Variants in CWF19L2 observed in about 807,000 individuals in gnomAD.
CWF19L2 encodes CWF19-like protein 2.
Under a neutral mutation model 111.7 loss-of-function variants are expected in CWF19L2, and 98 were observed. That is an observed-to-expected ratio of 0.88 (90% CI 0.75 to 1.04). CWF19L2 has a LOEUF of 1.04. Ranked by LOEUF, CWF19L2 falls within the 50% of genes least tolerant of loss-of-function variation. The pLI, the probability that CWF19L2 is intolerant of heterozygous loss-of-function variation, is 0.00. For missense variants in CWF19L2, 1,101 were observed against 1,051.4 expected (o/e 1.05, Z -0.65); for synonymous variants, 351 against 342.9 (o/e 1.02, Z -0.26).
chr11:107,328,661 T>C (rs1390067242), intron 17 of CWF19L2, among the ~76,000 whole-genome samples: 1 of 152,212 alleles, frequency 6.6e-6, no homozygotes, highest in Admixed American at 6.5e-5. Flanking sequence ...ATCTCCCAGT[T>C]TAATATATAC....
chr11:107,373,675 C>A (rs575198234), intron 12 of CWF19L2, among the ~76,000 whole-genome samples: 1,473 of 131,354 alleles, frequency 0.011, 168 homozygotes, highest in Non-Finnish European at 0.016. Flanking sequence ...GGGGAAAAAA[C>A]AGAACAGAAA....
At chr11:107,441,674 C>G in intron 4 of CWF19L2, 52 bp from the exon 5 acceptor site, 1 of 1,445,696 alleles carries the variant, frequency 6.9e-7, no homozygotes, top group Middle Eastern at 2.2e-4. Flanking sequence ...TCATTTCAAT[C>G]TGAACTGATT....
Position 107,364,531 on chromosome 11 carries a change from G to T in CWF19L2, c.1873-10795C>A, listed in dbSNP as rs974088490. ...AGGATTAAGAATCTCACTCAAAACC[G>T]CTCAACTACATGGAAACTGAACAAC... is the stretch of plus-strand genomic sequence containing the variant. On this transcript the variant is annotated intron_variant, in intron 12 of 17. Coordinates refer to ENST00000282251, the MANE Select transcript of CWF19L2 (RefSeq NM_152434.3). Among the ~76,000 whole-genome samples, 13 of 143,554 alleles carry T rather than the reference G, an allele frequency of 9.1e-5. 1 individual carries two copies. Among genetic ancestry groups the T allele is most frequent in the Non-Finnish European group, 1.7e-4 (11 of 66,108 alleles). 94.2% of individuals were successfully genotyped at this position (143,554 alleles called of 152,430 possible).
intron 15 of CWF19L2, among the ~76,000 whole-genome samples, chr11:107,336,113 C>A (rs1386969631): frequency 6.6e-6 from 1 of 151,980 alleles, no homozygotes; most frequent in Non-Finnish European, 1.5e-5. Context: ...CCCAACTACT[C>A]AGGAGGCTGA....
intron 3 of CWF19L2, among the ~76,000 whole-genome samples, chr11:107,447,721 G>C (rs1861720413): frequency 6.6e-6 from 1 of 152,130 alleles, no homozygotes; most frequent in Non-Finnish European, 1.5e-5. Context: ...ACAAAATCCA[G>C]CAGTCACAAT....
chr11:107,445,802 A>C (rs1297969917), intron 3 of CWF19L2, among the ~76,000 whole-genome samples: 1 of 152,192 alleles, frequency 6.6e-6, no homozygotes, highest in Non-Finnish European at 1.5e-5. Context: ...TTCCCATTAC[A>C]AAGACTGCTA....
chr11:107,424,063 A>C (rs1186267767), intron 8 of CWF19L2, among the ~76,000 whole-genome samples: 1 of 151,870 alleles, frequency 6.6e-6, no homozygotes, highest in Non-Finnish European at 1.5e-5. Flanking sequence ...CCATATATAG[A>C]TCAAGGGGAT....
intron 10 of CWF19L2, among the ~76,000 whole-genome samples, chr11:107,407,763 TATA>T (rs1861101165): frequency 6.6e-6 from 1 of 152,016 alleles, no homozygotes; most frequent in Non-Finnish European, 1.5e-5. Context: ...TTAATAAATA[TATA>T]ATCATAACTA....
rs374080448 is a variant in CWF19L2, at chr11:107,418,166, T to C, written c.1527+28A>G. On this transcript the variant is annotated intron_variant, in intron 9 of 17. Coordinates refer to ENST00000282251, the MANE Select transcript of CWF19L2 (RefSeq NM_152434.3). ...AAGAAGTTAAACATTTAATCATTAT[T>C]CTCTAAAGCAACATCTAAGAGTCTT... The C allele has an allele frequency of 3.7e-5, 50 of 1,339,946 alleles. No individual in the cohort carries two copies. The African/African-American group carries it at 6.7e-4, about 18-fold the overall frequency. 83.0% of individuals were successfully genotyped at this position (1,339,946 alleles called of 1,614,324 possible).
chr11:107,391,898 G>A (rs1860853730), intron 11 of CWF19L2, among the ~76,000 whole-genome samples: 1 of 152,118 alleles, frequency 6.6e-6, no homozygotes, highest in South Asian at 2.1e-4. Context: ...GAATGAAAGC[G>A]TCTACCTTCT....
intron 10 of CWF19L2, among the ~76,000 whole-genome samples, chr11:107,395,581 G>A (rs1860910813): frequency 6.6e-6 from 1 of 152,070 alleles, no homozygotes; most frequent in African/African-American, 2.4e-5. Context: ...CTACACCATA[G>A]TCTAAATAGT....
At chr11:107,404,499 A>G in intron 10 of CWF19L2, 1 of 739,632 alleles carries the variant, frequency 1.4e-6, no homozygotes, top group African/African-American at 1.7e-5. Flanking sequence ...AGATGACTGT[A>G]TGGACTGTAT....
intron 3 of CWF19L2, among the ~76,000 whole-genome samples, chr11:107,450,249 T>A (rs1044607091): frequency 2.6e-5 from 4 of 151,998 alleles, no homozygotes; most frequent in Admixed American, 6.6e-5. Context: ...ACAAAATATA[T>A]ATAGATCATA....
chr11:107,353,603 G>T lies in CWF19L2; in HGVS notation c.2006C>A (p.Ala669Asp), dbSNP rs1172287255. 2 of 1,613,692 alleles carry T rather than the reference G, an allele frequency of 1.2e-6. No individual in the cohort carries two copies. Among genetic ancestry groups the T allele is most frequent in the Non-Finnish European group, 1.7e-6 (2 of 1,179,782 alleles). ...ATACAGACATTTTTCCATTTGTGCA[G>T]CAAGACTCCGATGCTCAGCAATAGC... The part of the protein sequence containing the change: ...KKAIAEHRSL[A>D]AQMEKCLYCF... The change falls in exon 13 of 18, where the codon GCT becomes GAT. Residue 669 changes from alanine to aspartate, a missense_variant. Coordinates refer to ENST00000282251, the MANE Select transcript of CWF19L2 (RefSeq NM_152434.3).
At chr11:107,363,017 G>A (rs1440889322) in intron 12 of CWF19L2, among the ~76,000 whole-genome samples, 3 of 152,142 alleles carry the variant, frequency 2.0e-5, no homozygotes, top group African/African-American at 7.2e-5. Flanking sequence ...CGAGAACTAC[G>A]TGAAGAATGC....
intron 14 of CWF19L2, among the ~76,000 whole-genome samples, chr11:107,342,104 G>A (rs1221742575): frequency 6.6e-6 from 1 of 151,536 alleles, no homozygotes; most frequent in Admixed American, 6.6e-5. Context: ...GCTTGCTTTG[G>A]ATGTACTTTG....
chr11:107,329,795 A>G (rs1565239976), intron 17 of CWF19L2, 123 bp downstream of exon 17: 1 of 561,518 alleles, frequency 1.8e-6, no homozygotes, highest in Non-Finnish European at 3.1e-6. Flanking sequence ...CCCTCTCTAA[A>G]AACTGGGTGG....
chr11:107,352,764 C>T (rs944353286), intron 13 of CWF19L2, among the ~76,000 whole-genome samples: 1 of 151,914 alleles, frequency 6.6e-6, no homozygotes, highest in African/African-American at 2.4e-5. Flanking sequence ...ACCTCAACAA[C>T]CTAAAGATAT....
chr11:107,446,319 A>T lies in CWF19L2; in HGVS notation c.340-3270T>A, dbSNP rs535329474. Among the ~76,000 whole-genome samples, 39 of 152,346 alleles carry T rather than the reference A, an allele frequency of 2.6e-4. 2 individuals are homozygous for T. Among genetic ancestry groups the T allele is most frequent in the African/African-American group, 9.4e-4 (39 of 41,574 alleles). ...TGCTTATAGTTATATTTACATACAT[A>T]CACACATACTCACACTCATATTATC... On this transcript the variant is annotated intron_variant, in intron 3 of 17. Coordinates refer to ENST00000282251, the MANE Select transcript of CWF19L2 (RefSeq NM_152434.3).
Sources: allele counts gnomAD v4.1 joint callset (sites outside exome capture counted in the v4.1 genomes callset), GRCh38; gene constraint gnomAD v4.1.1; transcripts MANE v1.5; gene names NCBI Gene and HGNC (gene_info 2026-07-23, HGNC 2026-07-21).